Variants in DEK observed in about 807,000 individuals in gnomAD.
DEK encodes the protein protein DEK.
In DEK, 28 loss-of-function variants were observed where a neutral mutation model predicts 46.8. That is an observed-to-expected ratio of 0.60 (90% CI 0.44 to 0.82). The LOEUF is 0.82. Among genes scored for constraint, DEK ranks in the 40% least tolerant of loss-of-function variants. The pLI is 0.00. For missense variants in DEK, 416 were observed against 430.6 expected, an observed-to-expected ratio of 0.97 and a Z score of 0.30; for synonymous variants, 160 against 144.5, an observed-to-expected ratio of 1.11 and a Z score of -0.77.
At chr6:18,234,285 T>TAC (rs1198270656) in intron 9 of DEK, among the ~76,000 whole-genome samples, 2 of 150,776 alleles carry the variant, frequency 1.3e-5, no homozygotes, top group African/African-American at 4.9e-5. Context: ...CATGGATATA[T>TAC]ATATATATAT....
intron 7 of DEK, among the ~76,000 whole-genome samples, chr6:18,247,201 A>G (rs1001360957): frequency 6.6e-6 from 1 of 152,188 alleles, no homozygotes; most frequent in South Asian, 2.1e-4. Context: ...CAGAAACTGA[A>G]TCAGCAATAA....
intron 9 of DEK, among the ~76,000 whole-genome samples, chr6:18,231,912 CAAA>C (rs926435398): frequency 1.1e-4 from 16 of 152,022 alleles, no homozygotes; most frequent in African/African-American, 3.4e-4. Context: ...AGACAACAAA[CAAA>C]GAGAATTTCA....
chr6:18,231,397 A>C (rs1481251920), intron 9 of DEK, among the ~76,000 whole-genome samples: 1 of 152,178 alleles, frequency 6.6e-6, no homozygotes, highest in Non-Finnish European at 1.5e-5. Context: ...ACACAGACAC[A>C]AAAAAACCTT....
At chr6:18,260,235 T>C (rs1791795935) in intron 2 of DEK, among the ~76,000 whole-genome samples, 1 of 152,184 alleles carries the variant, frequency 6.6e-6, no homozygotes, top group African/African-American at 2.4e-5. Flanking sequence ...ACTTAACTGA[T>C]ATGTAAATAG....
intron 9 of DEK, among the ~76,000 whole-genome samples, chr6:18,234,065 T>C (rs1020318741): frequency 6.6e-6 from 1 of 152,000 alleles, no homozygotes; most frequent in Non-Finnish European, 1.5e-5. Context: ...GAAACCATCA[T>C]TCTCAGCAAA....
rs141376038 is a variant in DEK at position 18,242,194 on chromosome 6, A to G, written c.763-4678T>C. ...CGAGACCAGCCTGGCAACATCGTGA[A>G]ACCCCGTCTCTACAAAAAATTAGTC... On this transcript the variant is annotated intron_variant, in intron 7 of 10. Transcript: ENST00000652689. Among the ~76,000 whole-genome samples the G allele has an allele frequency of 1.1e-4, 16 of 152,268 alleles. No individual in the cohort carries two copies. The East Asian group carries it at 3.1e-3, about 29-fold the overall frequency.
intron 9 of DEK, among the ~76,000 whole-genome samples, chr6:18,231,056 T>C (rs1790395010): frequency 6.6e-6 from 1 of 152,178 alleles, no homozygotes; most frequent in African/African-American, 2.4e-5. Context: ...AACTCAGGAT[T>C]AAGAAACTCA....
At chr6:18,237,933 C>G (rs1290046129) in intron 7 of DEK, among the ~76,000 whole-genome samples, 1 of 132,834 alleles carries the variant, frequency 7.5e-6, no homozygotes, top group Admixed American at 8.8e-5. Context: ...GTGGCCCGAT[C>G]TTGGTTCACT....
intron 7 of DEK, among the ~76,000 whole-genome samples, chr6:18,248,192 G>A (rs1221938046): frequency 6.6e-6 from 1 of 152,108 alleles, no homozygotes; most frequent in Non-Finnish European, 1.5e-5. Context: ...GGAAACTGAG[G>A]TATAGTTTAA....
intron 9 of DEK, among the ~76,000 whole-genome samples, chr6:18,226,580 A>G (rs1262559609): frequency 2.0e-5 from 3 of 152,190 alleles, no homozygotes; most frequent in Non-Finnish European, 4.4e-5. Flanking sequence ...GGAATTCGAA[A>G]CCAGCCTCAG....
chr6:18,227,136 C>T (rs1478524429), intron 9 of DEK, among the ~76,000 whole-genome samples: 1 of 152,080 alleles, frequency 6.6e-6, no homozygotes, highest in African/African-American at 2.4e-5. Flanking sequence ...AAAGACCTGA[C>T]CGTCCCCCAG....
In DEK at chr6:18,264,475, G is replaced by A. The variant is rs1792029306; in HGVS notation, c.-100C>T. ...GCCGACGCCGAGGAGAAGGCGCGCG[G>A]GCCGCTGTCTGGCGTGACGCTCGCG... On this transcript the variant is annotated 5_prime_UTR_variant, in exon 1 of 11. Transcript: ENST00000652689. 7.0e-6 allele frequency: 2 copies of A among 283,994 alleles called. No individual in the cohort carries two copies. The highest frequency in any genetic ancestry group is 4.5e-5 in the African/African-American group (2 of 43,970). The allele number at this position is 283,994 out of a possible 1,614,324, so 17.6% of individuals were successfully genotyped here.
intron 7 of DEK, among the ~76,000 whole-genome samples, chr6:18,242,782 C>A (rs578129192): frequency 6.6e-6 from 1 of 152,120 alleles, no homozygotes; most frequent in South Asian, 2.1e-4. Context: ...AAAGTGGGTT[C>A]TTTTAAGTGA....
rs144453203 is a variant in DEK, at chr6:18,227,031, C to A, written c.1048-789G>T. Among the ~76,000 whole-genome samples the A allele has an allele frequency of 3.8e-4, 58 of 152,256 alleles. 1 individual carries two copies. The East Asian group carries it at 7.2e-3, about 19-fold the overall frequency. ...CTCAAGTACCCAGGGACACAAACACCGCGGAAGGCTGCAGGGACCTCTGCC... is the reference window on the plus strand; with the variant it reads ...CTCAAGTACCCAGGGACACAAACACAGCGGAAGGCTGCAGGGACCTCTGCC... On this transcript the variant is annotated intron_variant, in intron 9 of 10. Coordinates refer to ENST00000652689, the MANE Select transcript of DEK (RefSeq NM_003472.4).
intron 9 of DEK, among the ~76,000 whole-genome samples, chr6:18,228,319 G>A (rs953317871): frequency 6.6e-6 from 1 of 152,090 alleles, no homozygotes; most frequent in Admixed American, 6.5e-5. Context: ...AATGGATTTA[G>A]CCCACAGGCT....
At chr6:18,249,961 C>A (rs1791296696) in intron 6 of DEK, 122 bp from the exon 7 acceptor site, 2 of 1,379,124 alleles carry the variant, frequency 1.5e-6, no homozygotes, top group African/African-American at 1.5e-5. Flanking sequence ...ACAAGCCCAG[C>A]AGCTTTGCAG....
At chr6:18,242,482 T>C (rs1790933049) in intron 7 of DEK, among the ~76,000 whole-genome samples, 2 of 152,196 alleles carry the variant, frequency 1.3e-5, no homozygotes, top group Admixed American at 1.3e-4. Context: ...ATTCCAGAAG[T>C]AAACAACTCA....
At chr6:18,245,116 ATGCCATG>A (rs1791051124) in intron 7 of DEK, among the ~76,000 whole-genome samples, 1 of 152,252 alleles carries the variant, frequency 6.6e-6, no homozygotes, top group Admixed American at 6.5e-5. Flanking sequence ...GTGCTGGCTG[ATGCCATG>A]TATATGGAGA....
intron 9 of DEK, among the ~76,000 whole-genome samples, chr6:18,234,118 A>G (rs991702381): frequency 2.6e-4 from 38 of 144,500 alleles, no homozygotes; most frequent in African/African-American, 7.8e-4. Flanking sequence ...GTTCTCACTC[A>G]TAGGTGGGAA....
Sources: allele counts gnomAD v4.1 joint callset (sites outside exome capture counted in the v4.1 genomes callset), GRCh38; gene constraint gnomAD v4.1.1; transcripts MANE v1.5; gene names NCBI Gene and HGNC (gene_info 2026-07-23, HGNC 2026-07-21).